Variants in PCDH9 observed in about 807,000 individuals in gnomAD.
The protein encoded by PCDH9 is protocadherin-9.
A neutral mutation model predicts 70.6 loss-of-function variants in PCDH9; 24 were observed. That is an observed-to-expected ratio of 0.34 (90% CI 0.25 to 0.48). The LOEUF is 0.48. PCDH9 is among the 20% of genes least tolerant of loss of function. The probability of loss-of-function intolerance (pLI) is 0.99; values close to 1 mark genes in which losing one functional copy is unlikely to be tolerated. For missense variants in PCDH9, 1,281 were observed against 1,503.6 expected (o/e 0.85, Z 2.45); for synonymous variants, 562 against 558.5 (o/e 1.01, Z -0.09).
intron 4 of PCDH9, among the ~76,000 whole-genome samples, chr13:66,576,618 T>C (rs17494498): frequency 0.12 from 17,887 of 152,060 alleles, 1,237 homozygotes; most frequent in Middle Eastern, 0.22. Flanking sequence ...CATAATTACG[T>C]ATTGACAAGC....
chr13:66,528,288 G>A (rs907398917), intron 4 of PCDH9, among the ~76,000 whole-genome samples: 3 of 152,098 alleles, frequency 2.0e-5, no homozygotes, highest in Non-Finnish European at 4.4e-5. Flanking sequence ...TCGCTTCACA[G>A]GGGAGTCTTC....
intron 2 of PCDH9, among the ~76,000 whole-genome samples, chr13:66,994,560 C>A (rs944907894): frequency 3.3e-5 from 5 of 152,128 alleles, no homozygotes; most frequent in Non-Finnish European, 5.9e-5. Context: ...GATAAGAATT[C>A]TTTCATTCTA....
chr13:66,483,768 G>A (rs1238736522), intron 4 of PCDH9, among the ~76,000 whole-genome samples: 1 of 152,118 alleles, frequency 6.6e-6, no homozygotes. Context: ...GGACCTAGGT[G>A]AGGACAGTCA....
At chr13:66,651,481 T>C (rs1031210968) in intron 3 of PCDH9, among the ~76,000 whole-genome samples, 1 of 151,908 alleles carries the variant, frequency 6.6e-6, no homozygotes, top group African/African-American at 2.4e-5. Flanking sequence ...AACATACCTA[T>C]AACAAGTAAT....
chr13:66,415,593 T>C (rs1425414352), intron 4 of PCDH9, among the ~76,000 whole-genome samples: 1 of 152,200 alleles, frequency 6.6e-6, no homozygotes, highest in Non-Finnish European at 1.5e-5. Flanking sequence ...TCGTCTTACA[T>C]TCCCTTATCC....
At chr13:66,479,112 C>G (rs1958788762) in intron 4 of PCDH9, among the ~76,000 whole-genome samples, 1 of 152,154 alleles carries the variant, frequency 6.6e-6, no homozygotes, top group Non-Finnish European at 1.5e-5. Flanking sequence ...TCTGTCTGTG[C>G]TCTAGAAATG....
chr13:67,178,892 C>T (rs2138474720), intron 2 of PCDH9, among the ~76,000 whole-genome samples: 2 of 152,170 alleles, frequency 1.3e-5, no homozygotes, highest in Middle Eastern at 6.8e-3. Context: ...AACAGAATGA[C>T]AAATCAGTAT....
At chr13:67,186,305 G>C (rs2088757878) in intron 2 of PCDH9, among the ~76,000 whole-genome samples, 1 of 152,054 alleles carries the variant, frequency 6.6e-6, no homozygotes, top group Non-Finnish European at 1.5e-5. Context: ...CTCATGAATT[G>C]ATTGTTTTAT....
intron 4 of PCDH9, among the ~76,000 whole-genome samples, chr13:66,541,460 C>A (rs765473909): frequency 6.6e-6 from 1 of 152,084 alleles, no homozygotes; most frequent in South Asian, 2.1e-4. Flanking sequence ...TGAAGATATT[C>A]GCTCTGAAGG....
rs117732781 is a variant in PCDH9 at position 66,725,696 on chromosome 13, C to T, written c.3139-94285G>A. 9.7e-4 allele frequency among the ~76,000 whole-genome samples: 147 copies of T among 152,216 alleles called. 2 individuals carry two copies. Among genetic ancestry groups the T allele is most frequent in the Admixed American group, 3.9e-3 (60 of 15,282 alleles). ...TCAGATAATTTGTTTACATCATTAA[C>T]TCACAGTTGAACCAGTAATGAATGG... is the stretch of plus-strand genomic sequence containing the variant. On this transcript the variant is annotated intron_variant, in intron 3 of 4. Coordinates refer to ENST00000377865, the MANE Select transcript of PCDH9 (RefSeq NM_203487.3).
chr13:66,501,581 T>C (rs1367609635), intron 4 of PCDH9, among the ~76,000 whole-genome samples: 1 of 152,110 alleles, frequency 6.6e-6, no homozygotes. Context: ...ATTACAGGTT[T>C]ATATGTTTAA....
rs1179913625 is a variant in PCDH9 at position 67,154,633 on chromosome 13, CACACACACACACAT to C, written c.3036+70758_3036+70771del. Among the ~76,000 whole-genome samples the C allele has an allele frequency of 9.9e-3, 1,380 of 139,694 alleles. 1 individual carries two copies. Among genetic ancestry groups the C allele is most frequent in the Non-Finnish European group, 0.016 (1,036 of 63,670 alleles). 91.6% of individuals were successfully genotyped at this position (139,694 alleles called of 152,430 possible). A position where few individuals can be genotyped will look rare whatever the true frequency, so the allele number is the denominator to read the frequency against. ...ACACACACACACACACACACACACA[CACACACACACACAT>C]ACAAGATACTCTCTTTTTTGATAAC... On this transcript the variant is annotated intron_variant, in intron 2 of 4. Coordinates refer to ENST00000377865, the MANE Select transcript of PCDH9 (RefSeq NM_203487.3).
chr13:67,085,959 T>C (rs1377560457), intron 2 of PCDH9, among the ~76,000 whole-genome samples: 1 of 152,144 alleles, frequency 6.6e-6, no homozygotes, highest in African/African-American at 2.4e-5. Flanking sequence ...AAAGGACGCC[T>C]CAGACAATCC....
chr13:67,020,248 T>C (rs2084649270), intron 2 of PCDH9, among the ~76,000 whole-genome samples: 1 of 152,196 alleles, frequency 6.6e-6, no homozygotes, highest in Non-Finnish European at 1.5e-5. Flanking sequence ...GTGTGATACT[T>C]ATCTGAATTT....
At chr13:66,457,789 T>C (rs1281807280) in intron 4 of PCDH9, among the ~76,000 whole-genome samples, 2 of 152,084 alleles carry the variant, frequency 1.3e-5, no homozygotes, top group Non-Finnish European at 1.5e-5. Flanking sequence ...CACACTAACT[T>C]AACTCACATC....
intron 4 of PCDH9, among the ~76,000 whole-genome samples, chr13:66,452,422 A>T (rs976746005): frequency 3.3e-5 from 5 of 152,134 alleles, no homozygotes; most frequent in Non-Finnish European, 5.9e-5. Context: ...GCCCAAACTC[A>T]AAATTTTGGA....
chr13:67,106,826 T>C (rs1293909771), intron 2 of PCDH9, among the ~76,000 whole-genome samples: 1 of 152,096 alleles, frequency 6.6e-6, no homozygotes, highest in Admixed American at 6.5e-5. Flanking sequence ...CTCTCCAATT[T>C]TGGAACAAAG....
intron 3 of PCDH9, among the ~76,000 whole-genome samples, chr13:66,766,095 A>G (rs1354305648): frequency 6.6e-6 from 1 of 152,080 alleles, no homozygotes; most frequent in East Asian, 1.9e-4. Context: ...GAGATATTTA[A>G]TAAAAAAGCT....
At chr13:66,942,601 T>C (rs775260880) in intron 2 of PCDH9, among the ~76,000 whole-genome samples, 2 of 152,024 alleles carry the variant, frequency 1.3e-5, no homozygotes, top group Non-Finnish European at 2.9e-5. Context: ...GAAAGCGTCA[T>C]CTCTGTAAAA....
Sources: allele counts gnomAD v4.1 joint callset (sites outside exome capture counted in the v4.1 genomes callset), GRCh38; gene constraint gnomAD v4.1.1; transcripts MANE v1.5; gene names NCBI Gene and HGNC (gene_info 2026-07-23, HGNC 2026-07-21).